The following ZNF354A variants were observed in gnomAD, a reference collection of about 807,000 sequenced individuals.
The protein encoded by ZNF354A is epididymis luminal protein 104.
ZNF354A carries 25 observed loss-of-function variants against 53.3 expected under a neutral mutation model. The observed-to-expected ratio is 0.47, with a 90% confidence interval of 0.34 to 0.66. ZNF354A has a LOEUF of 0.66. ZNF354A is among the 30% of genes least tolerant of loss of function. ZNF354A has a pLI of 0.01. For missense variants in ZNF354A, 586 were observed against 716.8 expected, an observed-to-expected ratio of 0.82 and a Z score of 2.08; for synonymous variants, 228 against 249.0, an observed-to-expected ratio of 0.92 and a Z score of 0.79.
intron 2 of ZNF354A, among the ~76,000 whole-genome samples, chr5:178,728,782 CA>C (rs1157233878): frequency 0.011 from 559 of 50,870 alleles, 7 homozygotes; most frequent in South Asian, 0.02. Context: ...AAGCGAGATT[CA>C]AAAAAAAAAA....
At chr5:178,716,921 A>C (rs1328746044) in intron 4 of ZNF354A, among the ~76,000 whole-genome samples, 1 of 151,978 alleles carries the variant, frequency 6.6e-6, no homozygotes, top group Admixed American at 6.6e-5. Context: ...TCTACTAAAA[A>C]TACAAAAATC....
Position 178,716,700 on chromosome 5 carries a change from A to G in ZNF354A, c.257-3079T>C, listed in dbSNP as rs115680997. On this transcript the variant is annotated intron_variant, in intron 4 of 4. Coordinates refer to ENST00000335815, the MANE Select transcript of ZNF354A (RefSeq NM_005649.3). ...GCTCCCTGGGCAAAGGAACCAACAC[A>G]CACAAAAGTGAGGCTGACTTAGGAA... Among the ~76,000 whole-genome samples, 735 of 152,282 alleles carry G rather than the reference A, an allele frequency of 4.8e-3. 8 individuals are homozygous for G. The highest frequency in any genetic ancestry group is 0.017 in the African/African-American group (705 of 41,556).
Position 178,725,392 on chromosome 5 carries a change from A to G in ZNF354A, c.240T>C (p.Ser80=). The change falls in exon 4 of 5, where the codon TCT becomes TCC. Residue 80 remains serine, a synonymous_variant. Transcript: ENST00000335815. ...EDPWEVEKDG[S]GVSSLGSKSS... is the part of the protein sequence containing the mutation. ...CCCACTTACCTAGAGAGGAGACGCC[A>G]GAACCGTCTTTCTCCACCTCCCAGG... 6.2e-7 allele frequency: 1 copy of G among 1,613,950 alleles called. No homozygotes were observed. Among genetic ancestry groups the G allele is most frequent in the African/African-American group, 1.3e-5 (1 of 75,044 alleles).
Position 178,711,856 on chromosome 5 carries a change from A to G in ZNF354A, c.*204T>C, listed in dbSNP as rs1259103052. ...TCTTCAATTGTAAATTCTTCATCTC[A>G]GGTTATTTTTTTAAGTGTCTGACAG... On this transcript the variant is annotated 3_prime_UTR_variant, in exon 5 of 5. Transcript: ENST00000335815. 1.9e-6 allele frequency: 1 copy of G among 533,136 alleles called. No individual in the cohort carries two copies. The highest frequency in any genetic ancestry group is 1.9e-5 in the African/African-American group (1 of 51,740). The allele number at this position is 533,136 out of a possible 1,614,324, so 33.0% of individuals were successfully genotyped here. A position where few individuals can be genotyped will look rare whatever the true frequency, so the allele number is the denominator to read the frequency against.
intron 2 of ZNF354A, among the ~76,000 whole-genome samples, chr5:178,727,341 G>C (rs1039339453): frequency 6.6e-6 from 1 of 152,176 alleles, no homozygotes; most frequent in Non-Finnish European, 1.5e-5. Context: ...GTAAGAGATG[G>C]GTAGAGGAAT....
Position 178,712,887 on chromosome 5 carries a change from C to T in ZNF354A, c.991G>A (p.Gly331Ser), listed in dbSNP as rs1251583048. The change falls in exon 5 of 5, where the codon GGT (glycine) becomes AGT (serine). Residue 331 changes from glycine (G) to serine (S), a missense_variant. Physicochemically the swap from Gly to Ser is moderately conservative, Grantham distance 56 (BLOSUM62 0). Around this residue, in one of 2 missense-constraint regions of ZNF354A, gnomAD observed 573 missense variants for 680.1 expected, o/e 0.84. Transcript: ENST00000335815. The stretch of plus-strand genomic sequence containing the variant: ...GTGCTGCAACTAGATGCCTTCCTAC[C>T]CGGATTATACTTACAAGGGTTTTCT... ...AEENPCKYNP[G>S]RKASSCSTSL... The T allele has an allele frequency of 6.2e-7, 1 of 1,613,994 alleles. No individual in the cohort carries two copies. Among genetic ancestry groups the T allele is most frequent in the Admixed American group, 1.7e-5 (1 of 60,008 alleles).
chr5:178,728,348 A>G (rs891767920), intron 2 of ZNF354A, among the ~76,000 whole-genome samples: 1 of 152,252 alleles, frequency 6.6e-6, no homozygotes, highest in Non-Finnish European at 1.5e-5. Context: ...GGAAGTACCT[A>G]AAATACCACT....
At chr5:178,720,494 G>A (rs766219376) in intron 4 of ZNF354A, among the ~76,000 whole-genome samples, 8 of 152,164 alleles carry the variant, frequency 5.3e-5, no homozygotes, top group South Asian at 2.1e-4. Flanking sequence ...GTGTGAAGAC[G>A]GAGGCACAGA....
At chr5:178,719,909 C>T (rs981035621) in intron 4 of ZNF354A, among the ~76,000 whole-genome samples, 99 of 151,124 alleles carry the variant, frequency 6.6e-4, no homozygotes, top group Non-Finnish European at 9.7e-4. Flanking sequence ...ATCCCGCCAC[C>T]GCACTCCAGC....
chr5:178,715,059 G>C (rs1765688313), intron 4 of ZNF354A, among the ~76,000 whole-genome samples: 1 of 152,176 alleles, frequency 6.6e-6, no homozygotes, highest in African/African-American at 2.4e-5. Flanking sequence ...ATAAGATAAA[G>C]CATGGTTAAC....
At chr5:178,725,311 C>T in intron 4 of ZNF354A, 65 bp downstream of exon 4, 1 of 1,510,516 alleles carries the variant, frequency 6.6e-7, no homozygotes, top group South Asian at 1.1e-5. Context: ...AACCAACGTT[C>T]CTACCTCCTC....
chr5:178,716,163 T>C (rs991196408), intron 4 of ZNF354A, among the ~76,000 whole-genome samples: 5 of 152,136 alleles, frequency 3.3e-5, no homozygotes, highest in African/African-American at 1.2e-4. Context: ...CCCAAAGCGC[T>C]GGGATTACAG....
Position 178,712,100 on chromosome 5 carries a change from AG to A in ZNF354A, c.1777del (p.Thr594LeufsTer15), listed in dbSNP as rs1765629435. 6.2e-7 allele frequency: 1 copy of A among 1,608,430 alleles called. No individual in the cohort carries two copies. The highest frequency in any genetic ancestry group is 1.1e-5 in the South Asian group (1 of 90,512). On this transcript the variant is annotated frameshift_variant, in exon 5 of 5. Transcript: ENST00000335815. LOFTEE classifies it high-confidence loss of function. Reference sequence around the variant, plus strand: ...GATATGAATTTTATAATGATTAGTAAGGGATGACCTATGGTTGAAAAGTTTC... The same window carrying A: ...GATATGAATTTTATAATGATTAGTAAGGATGACCTATGGTTGAAAAGTTTC... ...CGKLFNHRSSLTNHYKIHIEE... is the reference protein window; with the variant it reads ...CGKLFNHRSSXTNHYKIHIEE...
chr5:178,712,541 G>C lies in ZNF354A; in HGVS notation c.1337C>G (p.Ala446Gly). The C allele has an allele frequency of 6.2e-7, 1 of 1,614,076 alleles. No individual in the cohort carries two copies. Among genetic ancestry groups the C allele is most frequent in the African/African-American group, 1.3e-5 (1 of 75,020 alleles). The part of the protein sequence containing the change: ...KFYNCNECGK[A>G]LSSHSTLIIH... ...AATAAGTGTTGAGTGGGAGCTTAAGGCTTTACCACATTCATTACAATTATA... is the reference window on the plus strand; with the variant it reads ...AATAAGTGTTGAGTGGGAGCTTAAGCCTTTACCACATTCATTACAATTATA... Residue 446 changes from alanine to glycine, a missense_variant, in exon 5 of 5, where the codon GCC (alanine) becomes GGC (glycine). By Grantham distance (60) the Ala-to-Gly change is moderately conservative. Transcript: ENST00000335815.
intron 4 of ZNF354A, among the ~76,000 whole-genome samples, chr5:178,714,248 A>G (rs1257699711): frequency 6.6e-6 from 1 of 151,740 alleles, no homozygotes; most frequent in African/African-American, 2.4e-5. Context: ...CAAGTGATCT[A>G]CCCACCTCGG....
chr5:178,721,862 C>G (rs1765819017), intron 4 of ZNF354A, among the ~76,000 whole-genome samples: 1 of 152,212 alleles, frequency 6.6e-6, no homozygotes, highest in African/African-American at 2.4e-5. Flanking sequence ...TCCCTCCGAC[C>G]TGGTCAACCC....
At chr5:178,724,104 T>G (rs1330899136) in intron 4 of ZNF354A, among the ~76,000 whole-genome samples, 6 of 151,782 alleles carry the variant, frequency 4.0e-5, no homozygotes, top group Non-Finnish European at 5.9e-5. Flanking sequence ...ACCCAACTGC[T>G]CCTGTACCCT....
chr5:178,718,835 C>A (rs1046083688), intron 4 of ZNF354A, among the ~76,000 whole-genome samples: 1 of 152,114 alleles, frequency 6.6e-6, no homozygotes, highest in African/African-American at 2.4e-5. Flanking sequence ...AGGGCTCAAG[C>A]GATTCTCCCA....
rs745738977 is a variant in ZNF354A at position 178,716,438 on chromosome 5, T to C, written c.257-2817A>G. Among the ~76,000 whole-genome samples, 34 of 152,194 alleles carry C rather than the reference T, an allele frequency of 2.2e-4. 1 individual carries two copies. The highest frequency in any genetic ancestry group is 1.2e-3 in the Admixed American group (19 of 15,280). ...CAGGAGCACTCCATGACTTGACTTG[T>C]TTATCTTTACATATGCTGGCAGCAT... is the stretch of plus-strand genomic sequence containing the variant. On this transcript the variant is annotated intron_variant, in intron 4 of 4. Coordinates refer to ENST00000335815, the MANE Select transcript of ZNF354A (RefSeq NM_005649.3).
Sources: gnomAD v4.1 joint callset for allele counts (sites outside exome capture counted in the v4.1 genomes callset) on GRCh38, gnomAD v4.1.1 for gene constraint, gnomAD v4.1.1 regional missense constraint, MANE v1.5 for transcripts, NCBI Gene and HGNC (gene_info 2026-07-23, HGNC 2026-07-21) for gene names.